ABR: variants seen among roughly 807,000 people sequenced by gnomAD.
The protein encoded by ABR is ABR activator of RhoGEF and GTPase, also known as active breakpoint cluster region-related protein.
ABR carries 35 observed loss-of-function variants against 107.2 expected under a neutral mutation model. The observed-to-expected ratio is 0.33, with a 90% CI of 0.25 to 0.43. The LOEUF (loss-of-function observed/expected upper bound fraction) is 0.43, where lower values mean the gene tolerates loss of function less well. Ranked by LOEUF, ABR falls within the 20% of genes least tolerant of loss-of-function variation. ABR has a pLI of 1.00. For synonymous variants in ABR, 498 were observed against 462.0 expected (o/e 1.08, Z -1.00); for missense variants, 815 against 1,115.2 (o/e 0.73, Z 3.83).
chr17:1,058,687 G>C, intron 11 of ABR, 58 bp downstream of exon 11: 1 of 1,587,970 alleles, frequency 6.3e-7, no homozygotes, highest in Non-Finnish European at 8.6e-7. Context: ...GAGCCACAGA[G>C]TGGGCTGCTC....
intron 16 of ABR, among the ~76,000 whole-genome samples, chr17:1,048,390 G>A (rs904719118): frequency 6.7e-6 from 1 of 150,186 alleles, no homozygotes. Flanking sequence ...GCTCCCCAGG[G>A]GCAATGCTAC....
chr17:1,206,203 C>A (rs2042785373), intron 1 of ABR, among the ~76,000 whole-genome samples: 1 of 152,162 alleles, frequency 6.6e-6, no homozygotes, highest in African/African-American at 2.4e-5. Context: ...AGTGAGCTCT[C>A]ATGTGACCAC....
chr17:1,126,058 G>A (rs1023289210), intron 1 of ABR, among the ~76,000 whole-genome samples: 1 of 152,152 alleles, frequency 6.6e-6, no homozygotes, highest in African/African-American at 2.4e-5. Context: ...GGAAGGAAAG[G>A]CGACCGGGAA....
At chr17:1,066,998 C>T (rs1307112231) in intron 10 of ABR, 79 bp downstream of exon 10, 12 of 1,506,366 alleles carry the variant, frequency 8.0e-6, no homozygotes, top group Non-Finnish European at 1.0e-5. Context: ...AAGTCTCAAA[C>T]CTTACAACTT....
intron 2 of ABR, among the ~76,000 whole-genome samples, chr17:1,120,881 G>A (rs1335015292): frequency 2.0e-5 from 3 of 152,208 alleles, no homozygotes; most frequent in Non-Finnish European, 1.5e-5. Flanking sequence ...CTGCCTTGTA[G>A]CCCCTTTTTA....
chr17:1,066,139 A>T (rs995400893), intron 10 of ABR, among the ~76,000 whole-genome samples: 1 of 152,112 alleles, frequency 6.6e-6, no homozygotes, highest in Admixed American at 6.5e-5. Flanking sequence ...TCAGCCTCCC[A>T]AAGTTCTGGG....
intron 12 of ABR, 119 bp downstream of exon 12, chr17:1,057,851 C>T (rs1016771561): frequency 1.1e-6 from 1 of 870,756 alleles, no homozygotes; most frequent in South Asian, 1.4e-5. Context: ...CACCCTGGCA[C>T]CTCTGAGGGT....
intron 18 of ABR, 200 bp from the exon 19 acceptor site, chr17:1,012,185 G>A (rs764433088): frequency 8.6e-6 from 7 of 810,792 alleles, no homozygotes; most frequent in South Asian, 4.3e-5. Context: ...AAGGGGCATC[G>A]ACGGACGTGG....
chr17:1,080,522 G>A (rs1375306742), intron 5 of ABR, among the ~76,000 whole-genome samples: 1 of 152,116 alleles, frequency 6.6e-6, no homozygotes, highest in Non-Finnish European at 1.5e-5. Flanking sequence ...AAGGCAGGAG[G>A]CAAGGTGAGG....
chr17:1,098,839 G>A lies in ABR; in HGVS notation c.345+1798C>T, dbSNP rs1049277855. Among the ~76,000 whole-genome samples the A allele has an allele frequency of 3.9e-5, 6 of 152,332 alleles. No homozygotes were observed. The South Asian group carries it at 8.3e-4, about 21-fold the overall frequency. On this transcript the variant is annotated intron_variant, in intron 3 of 22. Coordinates refer to ENST00000302538, the MANE Select transcript of ABR (RefSeq NM_021962.5). ...TCACTCTTGTTGCCCCGGCTGGAGT[G>A]CAATGGTGCAAACTCGGCTCACTGC...
intron 6 of ABR, 137 bp downstream of exon 6, chr17:1,079,193 G>GCGCTCACACA (rs2036002732): frequency 5.4e-6 from 8 of 1,480,640 alleles, no homozygotes; most frequent in African/African-American, 2.8e-5. Flanking sequence ...ACACTCACAC[G>GCGCTCACACA]CGCTCACACA....
intron 1 of ABR, 22 bp from the exon 2 acceptor site, chr17:1,125,389 G>C (rs577120871): frequency 6.2e-7 from 1 of 1,610,450 alleles, no homozygotes; most frequent in South Asian, 1.1e-5. Flanking sequence ...AACAAGAAAG[G>C]CCACTGAGAA....
chr17:1,159,311 A>G (rs62069444), intron 1 of ABR, among the ~76,000 whole-genome samples: 8,498 of 29,280 alleles, frequency 0.29, 1,474 homozygotes, highest in African/African-American at 0.42. Context: ...CTCACACACA[A>G]GGGAAGTAAG....
chr17:1,132,078 C>T (rs1358479904), intron 1 of ABR, among the ~76,000 whole-genome samples: 7 of 152,150 alleles, frequency 4.6e-5, no homozygotes, highest in Non-Finnish European at 8.8e-5. Context: ...CCTTGCTGGG[C>T]GCGGTGGCTC....
intron 4 of ABR, chr17:1,083,911 C>T (rs12600449): frequency 0.015 from 6,081 of 398,928 alleles, 152 homozygotes; most frequent in African/African-American, 0.047. Flanking sequence ...CAACTCTTCA[C>T]AGCATCCAGC....
intron 10 of ABR, among the ~76,000 whole-genome samples, chr17:1,060,983 G>C (rs570105783): frequency 6.6e-6 from 1 of 152,018 alleles, no homozygotes; most frequent in South Asian, 2.1e-4. Flanking sequence ...CAGTGACAAA[G>C]TGAGACTCCA....
intron 16 of ABR, among the ~76,000 whole-genome samples, chr17:1,036,705 G>C (rs979167731): frequency 6.6e-6 from 1 of 152,106 alleles, no homozygotes; most frequent in Non-Finnish European, 1.5e-5. Context: ...CTGTGGGGGA[G>C]TGGGGACGGG....
At chr17:1,117,967 C>T (rs867214345) in intron 2 of ABR, among the ~76,000 whole-genome samples, 1 of 103,866 alleles carries the variant, frequency 9.6e-6, no homozygotes, top group South Asian at 3.1e-4. Context: ...TTCTCCCCAG[C>T]GTTATCCCTG....
At chr17:1,036,176 T>C (rs979047800) in intron 16 of ABR, among the ~76,000 whole-genome samples, 1 of 152,112 alleles carries the variant, frequency 6.6e-6, no homozygotes, top group African/African-American at 2.4e-5. Flanking sequence ...CGATTCCTCG[T>C]CCTATCCGCT....
Sources: gnomAD v4.1 joint callset for allele counts (sites outside exome capture counted in the v4.1 genomes callset) on GRCh38, gnomAD v4.1.1 for gene constraint, MANE v1.5 for transcripts, NCBI Gene and HGNC (gene_info 2026-07-23, HGNC 2026-07-21) for gene names.